GRIN2B: variants seen among roughly 807,000 people sequenced by gnomAD.
GRIN2B encodes the protein glutamate ionotropic receptor NMDA type subunit 2B.
A neutral mutation model predicts 114.5 loss-of-function variants in GRIN2B; 5 were observed. The ratio of observed to expected loss-of-function variants is 0.04; its 90% CI spans 0.02 to 0.09. GRIN2B has a LOEUF of 0.09. GRIN2B is among the 10% of genes least tolerant of loss of function. GRIN2B has a pLI of 1.00. For synonymous variants in GRIN2B, 787 were observed against 745.1 expected, an observed-to-expected ratio of 1.06 and a Z score of -0.92; for missense variants, 1,108 against 1,943.5, an observed-to-expected ratio of 0.57 and a Z score of 8.08.
intron 5 of GRIN2B, among the ~76,000 whole-genome samples, chr12:13,642,766 T>C (rs1949731680): frequency 6.6e-6 from 1 of 150,600 alleles, no homozygotes; most frequent in Non-Finnish European, 1.5e-5. Context: ...GAGGTCCCCA[T>C]CTACCGATAT....
intron 10 of GRIN2B, among the ~76,000 whole-genome samples, chr12:13,599,878 A>C (rs1459364657): frequency 1.3e-5 from 2 of 152,368 alleles, no homozygotes; most frequent in African/African-American, 4.8e-5. Context: ...CAATGATTCC[A>C]ACAGTTAAAA....
intron 10 of GRIN2B, among the ~76,000 whole-genome samples, chr12:13,607,773 A>G (rs1311691619): frequency 6.6e-6 from 1 of 151,824 alleles, no homozygotes; most frequent in African/African-American, 2.4e-5. Flanking sequence ...TCTTAAGGAA[A>G]TAGAGTAGAA....
At chr12:13,675,886 T>G in intron 4 of GRIN2B, 27 bp from the exon 5 acceptor site, 1 of 1,298,104 alleles carries the variant, frequency 7.7e-7, no homozygotes, top group Non-Finnish European at 1.1e-6. Flanking sequence ...AAAGGAAGAT[T>G]AAAAGTATGA....
chr12:13,741,728 A>G (rs1863290985), intron 4 of GRIN2B, among the ~76,000 whole-genome samples: 1 of 151,734 alleles, frequency 6.6e-6, no homozygotes. Context: ...CTAATTTAAT[A>G]TTTCTGTATT....
chr12:13,981,889 A>G, upstream of GRIN2B: 1 of 153,576 alleles, frequency 6.5e-6, no homozygotes, highest in Non-Finnish European at 1.5e-5. Flanking sequence ...CCGCGCACAC[A>G]CACACAGACA....
chr12:13,587,511 T>G lies in GRIN2B; in HGVS notation c.2011-15547A>C, dbSNP rs904219065. 5.3e-5 allele frequency among the ~76,000 whole-genome samples: 8 copies of G among 152,012 alleles called. No individual in the cohort carries two copies. In the East Asian group the frequency reaches 1.5e-3, roughly 29 times the overall value. ...CTGGGACTACAGGTGCTTTCCACCA[T>G]GCCCAGCTAATTTTTAATTTTTTTG... On this transcript the variant is annotated intron_variant, in intron 10 of 13. Transcript: ENST00000609686.
intron 2 of GRIN2B, among the ~76,000 whole-genome samples, chr12:13,907,817 C>T (rs564610984): frequency 6.6e-6 from 1 of 152,030 alleles, no homozygotes; most frequent in South Asian, 2.1e-4. Context: ...AACAAGAGCT[C>T]AAGACATGGC....
At chr12:13,581,909 C>CA (rs71067711) in intron 10 of GRIN2B, among the ~76,000 whole-genome samples, 28,007 of 120,194 alleles carry the variant, frequency 0.23, 5,901 homozygotes, top group African/African-American at 0.57. Flanking sequence ...GACTTTGTCT[C>CA]AAAAAAAAAA....
chr12:13,883,731 T>C (rs1243646846), intron 2 of GRIN2B, among the ~76,000 whole-genome samples: 1 of 152,046 alleles, frequency 6.6e-6, no homozygotes, highest in Non-Finnish European at 1.5e-5. Context: ...TTTTCTCCCA[T>C]TTTGTGGCTG....
intron 2 of GRIN2B, among the ~76,000 whole-genome samples, chr12:13,949,590 C>T (rs1002954724): frequency 2.0e-5 from 3 of 151,942 alleles, no homozygotes; most frequent in Non-Finnish European, 2.9e-5. Context: ...ATCAATATAA[C>T]ATCTACACTG....
At chr12:13,905,312 T>C (rs959182929) in intron 2 of GRIN2B, among the ~76,000 whole-genome samples, 4 of 152,224 alleles carry the variant, frequency 2.6e-5, no homozygotes, top group Non-Finnish European at 2.9e-5. Context: ...TTTAGCTCTA[T>C]ACAAATCAGC....
Position 13,571,960 on chromosome 12 carries a change from T to C in GRIN2B, c.2015A>G (p.Gln672Arg). The change falls in exon 11 of 14, where the codon CAG (glutamine) becomes CGG (arginine). Residue 672 changes from glutamine to arginine, a missense_variant. Coordinates refer to ENST00000609686, the MANE Select transcript of GRIN2B (RefSeq NM_000834.5). ...QVSGLSDKKF[Q>R]RPNDFSPPFR... The stretch of plus-strand genomic sequence containing the variant: ...AGGGGGTGAGAAGTCATTAGGTCTC[T>C]GGAACTGGAGAGAGAAAGACAGATA... 1 of 1,613,224 alleles carries C rather than the reference T, an allele frequency of 6.2e-7. No individual in the cohort carries two copies.
At chr12:13,629,442 C>T (rs1949599396) in intron 5 of GRIN2B, among the ~76,000 whole-genome samples, 1 of 152,110 alleles carries the variant, frequency 6.6e-6, no homozygotes, top group African/African-American at 2.4e-5. Context: ...AATGGTTTCC[C>T]CACCTCCATT....
intron 5 of GRIN2B, among the ~76,000 whole-genome samples, chr12:13,664,015 G>T (rs1466814841): frequency 6.6e-6 from 1 of 152,098 alleles, no homozygotes; most frequent in Non-Finnish European, 1.5e-5. Context: ...TTTTACAGAT[G>T]AAGAAACAAA....
rs1406489157 is a variant in GRIN2B, at chr12:13,639,653, G to A, written c.1126-22996C>T. Among the ~76,000 whole-genome samples, 3 of 152,146 alleles carry A rather than the reference G, an allele frequency of 2.0e-5. No individual in the cohort carries two copies. In the East Asian group the frequency reaches 5.8e-4, roughly 29 times the overall value. On this transcript the variant is annotated intron_variant, in intron 5 of 13. Coordinates refer to ENST00000609686, the MANE Select transcript of GRIN2B (RefSeq NM_000834.5). Reference sequence around the variant, plus strand: ...GAAAAGCATAATGTGCCCCAGAAGAGAGATGACCTGATCAGCACTCAGAAT... The same window carrying A: ...GAAAAGCATAATGTGCCCCAGAAGAAAGATGACCTGATCAGCACTCAGAAT...
chr12:13,860,974 C>A (rs1245466397), intron 3 of GRIN2B, among the ~76,000 whole-genome samples: 1 of 152,198 alleles, frequency 6.6e-6, no homozygotes, highest in Non-Finnish European at 1.5e-5. Context: ...ATCACTACTC[C>A]TTATTTCCCT....
At chr12:13,979,661 C>G (rs570499751) in intron 2 of GRIN2B, among the ~76,000 whole-genome samples, 4 of 152,006 alleles carry the variant, frequency 2.6e-5, no homozygotes, top group Admixed American at 6.6e-5. Flanking sequence ...TAGATACATT[C>G]CCCTGATGCC....
In GRIN2B at chr12:13,543,269, C is replaced by T. The variant is rs529621470; in HGVS notation, c.*19514G>A. ...CCAATAACTGCAAGCCCTCCATAAC[C>T]TCAAGCATCCACCTCTCCAACCCAC... is the stretch of plus-strand genomic sequence containing the variant. On this transcript the variant is annotated 3_prime_UTR_variant, in exon 14 of 14. Transcript: ENST00000609686. The T allele has an allele frequency of 6.6e-6, 1 of 152,456 alleles. No homozygotes were observed. Among genetic ancestry groups the T allele is most frequent in the South Asian group, 2.1e-4 (1 of 4,810 alleles). The allele number at this position is 152,456 out of a possible 1,614,324, so 9.4% of individuals were successfully genotyped here. A position where few individuals can be genotyped will look rare whatever the true frequency, so the allele number is the denominator to read the frequency against.
chr12:13,798,500 G>A (rs1864454566), intron 3 of GRIN2B, among the ~76,000 whole-genome samples: 3 of 152,084 alleles, frequency 2.0e-5, no homozygotes, highest in Admixed American at 1.3e-4. Context: ...AGGGTAGTAT[G>A]AGTACAATAT....
Sources: gnomAD v4.1 joint callset for allele counts (sites outside exome capture counted in the v4.1 genomes callset) on GRCh38, gnomAD v4.1.1 for gene constraint, MANE v1.5 for transcripts, NCBI Gene and HGNC (gene_info 2026-07-23, HGNC 2026-07-21) for gene names.